TUSC3: variants seen among roughly 807,000 people sequenced by gnomAD.
The protein encoded by TUSC3 is tumor suppressor candidate 3, also known as dolichyl-diphosphooligosaccharide--protein glycosyltransferase subunit TUSC3.
TUSC3 carries 45 observed loss-of-function variants against 44.8 expected under a neutral mutation model. The observed-to-expected ratio is 1.00, with a 90% CI of 0.79 to 1.29. TUSC3 has a LOEUF of 1.29. Among genes scored for constraint, TUSC3 ranks in the 50% most tolerant of loss-of-function variants. The pLI is 0.00. For synonymous variants in TUSC3, 212 were observed against 152.9 expected (o/e 1.39, Z -2.85); for missense variants, 519 against 437.9 (o/e 1.19, Z -1.65).
At chr8:15,725,367 C>G (rs1468861454) in intron 6 of TUSC3, among the ~76,000 whole-genome samples, 1 of 152,176 alleles carries the variant, frequency 6.6e-6, no homozygotes, top group Non-Finnish European at 1.5e-5. Flanking sequence ...TAGGGTTAAT[C>G]AAACACGTTT....
chr8:15,652,503 G>A (rs931814337), intron 3 of TUSC3, among the ~76,000 whole-genome samples: 2 of 152,172 alleles, frequency 1.3e-5, no homozygotes, highest in African/African-American at 4.8e-5. Flanking sequence ...TTCTATAGGA[G>A]CAATAAATTT....
intron 1 of TUSC3, among the ~76,000 whole-genome samples, chr8:15,437,895 T>C (rs1799970514): frequency 6.6e-6 from 1 of 152,188 alleles, no homozygotes; most frequent in Non-Finnish European, 1.5e-5. Flanking sequence ...CCTGTTGAGA[T>C]AACAGGATAA....
At chr8:15,552,790 C>G (rs1055908576) in intron 1 of TUSC3, among the ~76,000 whole-genome samples, 2 of 151,530 alleles carry the variant, frequency 1.3e-5, no homozygotes, top group African/African-American at 4.8e-5. Flanking sequence ...TTGGGAGTGA[C>G]AAAGTGAGGT....
intron 1 of TUSC3, among the ~76,000 whole-genome samples, chr8:15,436,190 C>T (rs1214222427): frequency 6.6e-6 from 1 of 152,164 alleles, no homozygotes; most frequent in Non-Finnish European, 1.5e-5. Context: ...AGAGACAGAA[C>T]ATGGCAGAAG....
upstream of TUSC3, among the ~76,000 whole-genome samples, chr8:15,536,741 G>GATT (rs1168591807): frequency 7.4e-6 from 1 of 135,662 alleles, no homozygotes; most frequent in Non-Finnish European, 1.5e-5. Flanking sequence ...AGGAAGGCAG[G>GATT]ATTAAGGAGT....
chr8:15,489,912 A>C (rs1800784014), intron 2 of TUSC3, among the ~76,000 whole-genome samples: 4 of 152,224 alleles, frequency 2.6e-5, no homozygotes, highest in Admixed American at 2.6e-4. Flanking sequence ...ATAAGATAAA[A>C]GATTAATTCT....
At chr8:15,635,021 G>A (rs1381668331) in intron 2 of TUSC3, among the ~76,000 whole-genome samples, 1 of 152,022 alleles carries the variant, frequency 6.6e-6, no homozygotes, top group Non-Finnish European at 1.5e-5. Context: ...AGAGAACTCA[G>A]TGACTGAACC....
chr8:15,822,630 C>T, the TUSC3 span, among the ~76,000 whole-genome samples: 1 of 151,988 alleles, frequency 6.6e-6, no homozygotes, highest in East Asian at 1.9e-4. Context: ...AAGGATTGAG[C>T]TTTGGGGAAT....
the TUSC3 span, among the ~76,000 whole-genome samples, chr8:15,819,452 T>C: frequency 6.6e-6 from 1 of 152,180 alleles, no homozygotes; most frequent in Admixed American, 6.5e-5. Context: ...ATGCAGATCA[T>C]TCCTAATTTA....
chr8:15,720,582 A>C (rs1810265863), intron 6 of TUSC3, among the ~76,000 whole-genome samples: 1 of 152,128 alleles, frequency 6.6e-6, no homozygotes, highest in Admixed American at 6.6e-5. Context: ...TCAAAGATTT[A>C]GAAGCAGTGA....
chr8:15,721,717 T>C (rs539379138), intron 6 of TUSC3, among the ~76,000 whole-genome samples: 18 of 152,220 alleles, frequency 1.2e-4, no homozygotes, highest in Admixed American at 5.9e-4. Context: ...AATCTGTAAG[T>C]CTAGAAATAT....
intron 8 of TUSC3, among the ~76,000 whole-genome samples, chr8:15,746,207 A>G (rs555293059): frequency 8.5e-4 from 129 of 152,180 alleles, no homozygotes; most frequent in African/African-American, 3.0e-3. Flanking sequence ...AAATCTTACA[A>G]TATTTATTGT....
intron 1 of TUSC3, among the ~76,000 whole-genome samples, chr8:15,612,248 C>T (rs910775814): frequency 6.6e-6 from 1 of 152,024 alleles, no homozygotes; most frequent in Non-Finnish European, 1.5e-5. Context: ...GAATAGCTGC[C>T]CCCCTGGCAG....
the TUSC3 span, among the ~76,000 whole-genome samples, chr8:15,812,940 A>G: frequency 1.3e-5 from 2 of 152,084 alleles, no homozygotes; most frequent in African/African-American, 4.8e-5. Flanking sequence ...CTAAAAATAT[A>G]AAAATTAGCT....
At chr8:15,470,591 C>G (rs1800477044) in intron 1 of TUSC3, among the ~76,000 whole-genome samples, 1 of 152,112 alleles carries the variant, frequency 6.6e-6, no homozygotes, top group Admixed American at 6.6e-5. Flanking sequence ...CCCAATTTTT[C>G]TATAAACCAT....
chr8:15,680,247 T>C (rs1048567059), intron 6 of TUSC3, among the ~76,000 whole-genome samples: 1 of 152,112 alleles, frequency 6.6e-6, no homozygotes, highest in African/African-American at 2.4e-5. Context: ...ATTTGTGTCA[T>C]CTATGATTTA....
At chr8:15,540,235 C>G (rs995886784), upstream of TUSC3, 4 of 774,020 alleles carry the variant, frequency 5.2e-6, no homozygotes, top group Middle Eastern at 4.1e-4. Context: ...CTTTCCAGGT[C>G]TTCTCCCGGT....
At chr8:15,827,285 C>T in the TUSC3 span, among the ~76,000 whole-genome samples, 1 of 152,144 alleles carries the variant, frequency 6.6e-6, no homozygotes, top group African/African-American at 2.4e-5. Flanking sequence ...GAAAACAAAC[C>T]AGTTACGGAG....
chr8:15,757,440 C>T (rs1811972664), intron 9 of TUSC3, among the ~76,000 whole-genome samples: 1 of 152,120 alleles, frequency 6.6e-6, no homozygotes. Flanking sequence ...GAGGGTATAG[C>T]AATTTTGCAT....
Sources: gnomAD v4.1 joint callset for allele counts (sites outside exome capture counted in the v4.1 genomes callset) on GRCh38, gnomAD v4.1.1 for gene constraint, MANE v1.5 for transcripts, NCBI Gene and HGNC (gene_info 2026-07-23, HGNC 2026-07-21) for gene names.